The following ADGRB3 variants were observed in gnomAD, a reference collection of about 807,000 sequenced individuals.
The protein encoded by ADGRB3 is adhesion G protein-coupled receptor B3.
A neutral mutation model predicts 193.4 loss-of-function variants in ADGRB3; 37 were observed. That is an observed-to-expected ratio of 0.19 (90% CI 0.15 to 0.25). ADGRB3 has a LOEUF of 0.25. Among genes scored for constraint, ADGRB3 ranks in the 10% least tolerant of loss-of-function variants. The probability of loss-of-function intolerance (pLI) is 1.00; values close to 1 mark genes in which losing one functional copy is unlikely to be tolerated. For synonymous variants in ADGRB3, 690 were observed against 644.2 expected (o/e 1.07, Z -1.08); for missense variants, 1,637 against 1,852.9 (o/e 0.88, Z 2.14).
At chr6:69,326,101 G>A (rs1001678701) in intron 21 of ADGRB3, among the ~76,000 whole-genome samples, 16 of 152,038 alleles carry the variant, frequency 1.1e-4, no homozygotes, top group African/African-American at 3.9e-4. Flanking sequence ...AAATTAGCCG[G>A]GAGTGATGGC....
chr6:68,912,587 C>T (rs1766748715), intron 3 of ADGRB3, among the ~76,000 whole-genome samples: 1 of 152,040 alleles, frequency 6.6e-6, no homozygotes, highest in Admixed American at 6.6e-5. Flanking sequence ...TCCCATTGTT[C>T]AATTCCCACC....
chr6:68,777,113 T>C (rs1339975478), intron 3 of ADGRB3, among the ~76,000 whole-genome samples: 1 of 152,146 alleles, frequency 6.6e-6, no homozygotes, highest in Admixed American at 6.6e-5. Flanking sequence ...CTTTCATAAT[T>C]TGAAGTTTGA....
chr6:69,029,551 T>G (rs1009446226), intron 13 of ADGRB3, among the ~76,000 whole-genome samples: 1 of 152,196 alleles, frequency 6.6e-6, no homozygotes, highest in Non-Finnish European at 1.5e-5. Context: ...GTATGATATA[T>G]AGAATGCACA....
chr6:68,642,950 C>T (rs926284862), intron 3 of ADGRB3, among the ~76,000 whole-genome samples: 2 of 152,072 alleles, frequency 1.3e-5, no homozygotes, highest in Non-Finnish European at 1.5e-5. Context: ...GAAGATAATT[C>T]TGGACTATAT....
chr6:69,300,829 T>C (rs1284984463), intron 20 of ADGRB3, among the ~76,000 whole-genome samples: 4 of 151,644 alleles, frequency 2.6e-5, no homozygotes, highest in African/African-American at 9.7e-5. Context: ...GACACAAACA[T>C]TGAGGAGATA....
intron 8 of ADGRB3, among the ~76,000 whole-genome samples, chr6:68,968,803 G>C (rs536602468): frequency 5.9e-5 from 9 of 152,094 alleles, no homozygotes; most frequent in African/African-American, 2.2e-4. Context: ...TTCTATAATA[G>C]TTTTTGGTTG....
rs140782437 is a variant in ADGRB3, at chr6:68,890,359, T to C, written c.758-40200T>C. Among the ~76,000 whole-genome samples, 386 of 152,278 alleles carry C rather than the reference T, an allele frequency of 2.5e-3. 1 individual carries two copies. The highest frequency in any genetic ancestry group is 9.1e-3 in the African/African-American group (380 of 41,554). ...AACATTTTATGCTTCTTTCCACAGG[T>C]AAGAGCAATCCATCTGAGGGACTAC... On this transcript the variant is annotated intron_variant, in intron 3 of 31. Transcript: ENST00000370598.
chr6:69,183,815 TG>T (rs1268676694), intron 17 of ADGRB3, among the ~76,000 whole-genome samples: 1 of 152,130 alleles, frequency 6.6e-6, no homozygotes, highest in Non-Finnish European at 1.5e-5. Flanking sequence ...TTCATTGACA[TG>T]AACAAACTCA....
chr6:68,911,113 TG>T (rs1282050965), intron 3 of ADGRB3, among the ~76,000 whole-genome samples: 1 of 152,070 alleles, frequency 6.6e-6, no homozygotes, highest in Non-Finnish European at 1.5e-5. Context: ...TTCATGTCTT[TG>T]TAGGGACATG....
intron 13 of ADGRB3, among the ~76,000 whole-genome samples, chr6:69,045,798 C>T (rs7739224): frequency 0.017 from 2,619 of 152,112 alleles, 81 homozygotes; most frequent in African/African-American, 0.059. Flanking sequence ...TTAATAAATA[C>T]GTGTTTATTT....
intron 3 of ADGRB3, among the ~76,000 whole-genome samples, chr6:68,690,200 A>G (rs530488438): frequency 6.6e-6 from 1 of 152,184 alleles, no homozygotes; most frequent in Non-Finnish European, 1.5e-5. Flanking sequence ...TAATGCAGAT[A>G]CAAAGCTTAG....
intron 3 of ADGRB3, among the ~76,000 whole-genome samples, chr6:68,782,200 C>T (rs1395682521): frequency 6.8e-6 from 1 of 147,850 alleles, no homozygotes; most frequent in Non-Finnish European, 1.5e-5. Flanking sequence ...CAATTCCCAC[C>T]TATGAGTGAG....
At chr6:69,114,944 A>G (rs1773485914) in intron 17 of ADGRB3, among the ~76,000 whole-genome samples, 1 of 152,182 alleles carries the variant, frequency 6.6e-6, no homozygotes, top group Non-Finnish European at 1.5e-5. Context: ...GTCAAGAAAC[A>G]ACAGATGCTG....
At chr6:68,819,722 G>C (rs1178105883) in intron 3 of ADGRB3, among the ~76,000 whole-genome samples, 4 of 151,896 alleles carry the variant, frequency 2.6e-5, no homozygotes, top group Non-Finnish European at 5.9e-5. Flanking sequence ...AGTTAAAATT[G>C]ATAAAAATAG....
At chr6:68,676,209 C>T (rs896046853) in intron 3 of ADGRB3, among the ~76,000 whole-genome samples, 4 of 151,570 alleles carry the variant, frequency 2.6e-5, no homozygotes, top group African/African-American at 9.7e-5. Context: ...TGGCTAACAT[C>T]ACGAAACCCC....
At chr6:68,858,189 G>A (rs1765041597) in intron 3 of ADGRB3, among the ~76,000 whole-genome samples, 1 of 152,148 alleles carries the variant, frequency 6.6e-6, no homozygotes, top group South Asian at 2.1e-4. Context: ...TCCCAGCTAT[G>A]TGAAAGCTAA....
chr6:69,255,069 G>T (rs971945230), intron 20 of ADGRB3, among the ~76,000 whole-genome samples: 7 of 151,234 alleles, frequency 4.6e-5, no homozygotes, highest in Non-Finnish European at 1.0e-4. Flanking sequence ...AGTATTCCAT[G>T]GTGTATATGT....
intron 3 of ADGRB3, among the ~76,000 whole-genome samples, chr6:68,739,549 A>G (rs1765937277): frequency 6.6e-6 from 1 of 152,174 alleles, no homozygotes; most frequent in South Asian, 2.1e-4. Context: ...ACAGGTCTAG[A>G]TGCAGGTAGG....
intron 3 of ADGRB3, among the ~76,000 whole-genome samples, chr6:68,731,101 G>T (rs905233491): frequency 6.6e-6 from 1 of 151,548 alleles, no homozygotes; most frequent in Non-Finnish European, 1.5e-5. Flanking sequence ...AAATGCAAAA[G>T]ATATATAAGT....
Sources: allele counts gnomAD v4.1 joint callset (sites outside exome capture counted in the v4.1 genomes callset), GRCh38; gene constraint gnomAD v4.1.1; transcripts MANE v1.5; gene names NCBI Gene and HGNC (gene_info 2026-07-23, HGNC 2026-07-21).